The following CADM2 variants were observed in gnomAD, a reference collection of about 807,000 sequenced individuals.
CADM2 encodes cell adhesion molecule 2.
A neutral mutation model predicts 49.8 loss-of-function variants in CADM2; 12 were observed. That is an observed-to-expected ratio of 0.24 (90% CI 0.15 to 0.39). The LOEUF is 0.39. Ranked by LOEUF, CADM2 falls within the 10% of genes least tolerant of loss-of-function variation. The pLI is 1.00. For missense variants in CADM2, 378 were observed against 492.3 expected, an observed-to-expected ratio of 0.77 and a Z score of 2.20; for synonymous variants, 214 against 175.4, an observed-to-expected ratio of 1.22 and a Z score of -1.74.
intron 1 of CADM2, among the ~76,000 whole-genome samples, chr3:85,178,944 A>C (rs551032151): frequency 6.6e-6 from 1 of 151,950 alleles, no homozygotes; most frequent in African/African-American, 2.4e-5. Flanking sequence ...GATAAAAATA[A>C]AACTTAAAAT....
At chr3:85,369,133 T>G (rs746550756) in intron 1 of CADM2, among the ~76,000 whole-genome samples, 7 of 152,238 alleles carry the variant, frequency 4.6e-5, no homozygotes, top group Admixed American at 1.3e-4. Flanking sequence ...CTTTAAAATC[T>G]TATTTCCAAT....
chr3:85,714,748 T>C (rs1245488821), intron 1 of CADM2, among the ~76,000 whole-genome samples: 1 of 152,088 alleles, frequency 6.6e-6, no homozygotes, highest in Non-Finnish European at 1.5e-5. Flanking sequence ...CTATTTTTAC[T>C]TGACCTTATT....
At chr3:85,952,959 G>C (rs1034343097) in intron 7 of CADM2, among the ~76,000 whole-genome samples, 1 of 150,354 alleles carries the variant, frequency 6.7e-6, no homozygotes, top group East Asian at 2.0e-4. Flanking sequence ...TTCTTCAGCT[G>C]GCACTCCAGG....
At chr3:85,445,991 T>C (rs2037432778) in intron 1 of CADM2, among the ~76,000 whole-genome samples, 1 of 152,144 alleles carries the variant, frequency 6.6e-6, no homozygotes, top group African/African-American at 2.4e-5. Context: ...TTTACAAATA[T>C]TTATCTGATC....
At chr3:85,309,371 A>T (rs2044288785) in intron 1 of CADM2, among the ~76,000 whole-genome samples, 1 of 152,094 alleles carries the variant, frequency 6.6e-6, no homozygotes, top group Admixed American at 6.6e-5. Context: ...GGTTGTTTGG[A>T]TTCAAATTTC....
At chr3:85,784,171 A>C (rs2070828115) in intron 2 of CADM2, among the ~76,000 whole-genome samples, 1 of 152,200 alleles carries the variant, frequency 6.6e-6, no homozygotes, top group African/African-American at 2.4e-5. Flanking sequence ...GAACACTTGG[A>C]ATTTCCTGCA....
intron 2 of CADM2, among the ~76,000 whole-genome samples, chr3:85,759,201 G>A (rs1490460438): frequency 6.6e-6 from 1 of 151,898 alleles, no homozygotes; most frequent in Non-Finnish European, 1.5e-5. Context: ...GAGAATAAAA[G>A]ACATTGCTTG....
chr3:85,383,527 T>C lies in CADM2; in HGVS notation c.62-342995T>C, dbSNP rs201018285. 3.4e-4 allele frequency among the ~76,000 whole-genome samples: 20 copies of C among 59,502 alleles called. 1 individual carries two copies. Among genetic ancestry groups the C allele is most frequent in the Admixed American group, 1.7e-3 (9 of 5,418 alleles). The allele number at this position is 59,502 out of a possible 152,430, so 39.0% of individuals were successfully genotyped here. A position where few individuals can be genotyped will look rare whatever the true frequency, so the allele number is the denominator to read the frequency against. ...CCATATATATATATGTATATATATA[T>C]ATATATATATACATATATATATACA... On this transcript the variant is annotated intron_variant, in intron 1 of 9. Transcript: ENST00000383699.
At chr3:85,090,485 A>G (rs1219180957) in intron 1 of CADM2, among the ~76,000 whole-genome samples, 2 of 152,186 alleles carry the variant, frequency 1.3e-5, no homozygotes, top group East Asian at 3.8e-4. Context: ...CTATGCACTA[A>G]TAATAATAAC....
intron 1 of CADM2, among the ~76,000 whole-genome samples, chr3:85,111,785 T>C (rs2038468821): frequency 6.6e-6 from 1 of 151,918 alleles, no homozygotes; most frequent in African/African-American, 2.4e-5. Context: ...TATAAATACT[T>C]GAGGTAATAG....
In CADM2 at chr3:85,023,656, A is replaced by G. The variant is rs145452501; in HGVS notation, c.61+63988A>G. Among the ~76,000 whole-genome samples the G allele has an allele frequency of 3.6e-3, 550 of 152,228 alleles. 2 individuals are homozygous for G. The highest frequency in any genetic ancestry group is 7.3e-3 in the Admixed American group (111 of 15,294). On this transcript the variant is annotated intron_variant, in intron 1 of 9. Coordinates refer to ENST00000383699, the MANE Select transcript of CADM2 (RefSeq NM_001167675.2). ...TTTAGAACTATACTTATAACTTTAA[A>G]CATTCAGGGTAAAAGTTGATGTGTA...
intron 2 of CADM2, among the ~76,000 whole-genome samples, 156 bp downstream of exon 2, chr3:85,726,704 T>A (rs1301989325): frequency 6.6e-6 from 1 of 152,114 alleles, no homozygotes; most frequent in East Asian, 1.9e-4. Flanking sequence ...ATATCAATTA[T>A]TTCAGTTATC....
intron 3 of CADM2, among the ~76,000 whole-genome samples, chr3:85,849,568 T>A (rs910438089): frequency 6.6e-6 from 1 of 152,224 alleles, no homozygotes; most frequent in African/African-American, 2.4e-5. Flanking sequence ...TACATTTTTA[T>A]TTTATTAGAA....
intron 1 of CADM2, among the ~76,000 whole-genome samples, chr3:85,241,341 G>C (rs2042525421): frequency 6.6e-6 from 1 of 151,510 alleles, no homozygotes; most frequent in African/African-American, 2.4e-5. Flanking sequence ...TTCAGAGCAT[G>C]TTCTGGCTTT....
intron 1 of CADM2, among the ~76,000 whole-genome samples, chr3:85,691,494 A>G (rs1291355099): frequency 2.6e-5 from 4 of 152,184 alleles, no homozygotes; most frequent in Non-Finnish European, 5.9e-5. Context: ...GTACATTAAA[A>G]TATACTGCCT....
At chr3:85,978,503 C>T (rs911447086) in intron 8 of CADM2, among the ~76,000 whole-genome samples, 2 of 151,484 alleles carry the variant, frequency 1.3e-5, no homozygotes, top group African/African-American at 4.8e-5. Flanking sequence ...TTGTTAAAGA[C>T]TCCTAGGTAC....
intron 1 of CADM2, among the ~76,000 whole-genome samples, chr3:85,346,902 TA>T (rs1221573362): frequency 1.3e-5 from 2 of 152,038 alleles, no homozygotes; most frequent in East Asian, 1.9e-4. Flanking sequence ...GCGCAACAAA[TA>T]AAAACGTGAA....
chr3:85,717,445 A>G (rs116305765), intron 1 of CADM2, among the ~76,000 whole-genome samples: 2,154 of 152,196 alleles, frequency 0.014, 50 homozygotes, highest in African/African-American at 0.049. Context: ...GCAAACAGGT[A>G]ATTTGACTTC....
At chr3:85,732,688 G>A (rs924075498) in intron 2 of CADM2, among the ~76,000 whole-genome samples, 2 of 152,268 alleles carry the variant, frequency 1.3e-5, no homozygotes, top group South Asian at 2.1e-4. Flanking sequence ...ATGTTACCAT[G>A]TGTGAGACAT....
Sources: gnomAD v4.1 joint callset for allele counts (sites outside exome capture counted in the v4.1 genomes callset) on GRCh38, gnomAD v4.1.1 for gene constraint, MANE v1.5 for transcripts, NCBI Gene and HGNC (gene_info 2026-07-23, HGNC 2026-07-21) for gene names.